PSPC1: variants seen among roughly 807,000 people sequenced by gnomAD.
PSPC1 encodes the protein paraspeckle protein 1.
Under a neutral mutation model 51.6 loss-of-function variants are expected in PSPC1, and 14 were observed. That is an observed-to-expected ratio of 0.27 (90% CI 0.18 to 0.42). The LOEUF is 0.42. Ranked by LOEUF, PSPC1 falls within the 10% of genes least tolerant of loss-of-function variation. The pLI is 1.00. For missense variants in PSPC1, 406 were observed against 701.1 expected, an observed-to-expected ratio of 0.58 and a Z score of 4.75; for synonymous variants, 193 against 231.9, an observed-to-expected ratio of 0.83 and a Z score of 1.53.
intron 2 of PSPC1, among the ~76,000 whole-genome samples, chr13:19,763,900 G>A (rs1417376567): frequency 2.0e-5 from 3 of 152,124 alleles, no homozygotes; most frequent in African/African-American, 7.2e-5. Flanking sequence ...CTACTCAGGA[G>A]ACTGAGGAAC....
At chr13:19,733,890 C>T (rs567434675) in intron 5 of PSPC1, among the ~76,000 whole-genome samples, 1 of 151,858 alleles carries the variant, frequency 6.6e-6, no homozygotes, top group South Asian at 2.1e-4. Context: ...TAAGGTGAGA[C>T]TGCGGGGAGC....
chr13:19,708,879 T>TA (rs1293330413), intron 7 of PSPC1, among the ~76,000 whole-genome samples: 3 of 152,074 alleles, frequency 2.0e-5, no homozygotes, highest in Non-Finnish European at 4.4e-5. Flanking sequence ...AGTGTTCAAT[T>TA]AGGACAGGCG....
chr13:19,727,404 A>G (rs1565998267), intron 6 of PSPC1, among the ~76,000 whole-genome samples: 1 of 151,820 alleles, frequency 6.6e-6, no homozygotes, highest in Non-Finnish European at 1.5e-5. Context: ...CAATAAATAA[A>G]TAAAAAAAAA....
At chr13:19,767,274 T>C (rs1888167919) in intron 2 of PSPC1, among the ~76,000 whole-genome samples, 1 of 152,148 alleles carries the variant, frequency 6.6e-6, no homozygotes, top group Non-Finnish European at 1.5e-5. Context: ...CAAGATTGTG[T>C]TGTAAAACAG....
chr13:19,706,681 A>T (rs996315552), intron 7 of PSPC1, among the ~76,000 whole-genome samples: 10 of 151,758 alleles, frequency 6.6e-5, no homozygotes, highest in African/African-American at 2.2e-4. Context: ...TTTCTTTGAA[A>T]AATTTTTTCC....
At chr13:19,698,891 A>C (rs911572450), downstream of PSPC1, among the ~76,000 whole-genome samples, 5 of 151,902 alleles carry the variant, frequency 3.3e-5, no homozygotes, top group African/African-American at 1.2e-4. Flanking sequence ...GACTTCTGTT[A>C]TTCAAAAGGA....
downstream of PSPC1, among the ~76,000 whole-genome samples, chr13:19,701,569 ACT>A (rs1467238768): frequency 6.6e-6 from 1 of 152,162 alleles, no homozygotes; most frequent in Non-Finnish European, 1.5e-5. Context: ...TTCCATCCAC[ACT>A]GTGTATCAAA....
chr13:19,706,099 G>C (rs1054121219), intron 7 of PSPC1, among the ~76,000 whole-genome samples: 78 of 152,124 alleles, frequency 5.1e-4, no homozygotes, highest in Admixed American at 3.8e-3. Context: ...TGCAAGCTTT[G>C]AGACATCACT....
intron 6 of PSPC1, among the ~76,000 whole-genome samples, chr13:19,719,358 T>C (rs1211547534): frequency 3.3e-5 from 5 of 152,156 alleles, no homozygotes; most frequent in Admixed American, 2.0e-4. Context: ...TAAATCAAGA[T>C]GAGTCTCACT....
At chr13:19,714,921 C>T (rs1345070078) in intron 6 of PSPC1, among the ~76,000 whole-genome samples, 3 of 152,196 alleles carry the variant, frequency 2.0e-5, no homozygotes, top group Non-Finnish European at 4.4e-5. Context: ...GTCAGGTCTT[C>T]TTTGATGCGT....
chr13:19,744,381 C>CT (rs1885737118), intron 4 of PSPC1, among the ~76,000 whole-genome samples: 1 of 152,094 alleles, frequency 6.6e-6, no homozygotes, highest in Non-Finnish European at 1.5e-5. Flanking sequence ...TTACCTAATA[C>CT]TTAAAAGAAC....
intron 2 of PSPC1, among the ~76,000 whole-genome samples, chr13:19,771,592 C>A (rs553987953): frequency 4.6e-5 from 7 of 151,730 alleles, no homozygotes; most frequent in African/African-American, 1.7e-4. Context: ...TGTGTCACCA[C>A]GCCCAATTAA....
At chr13:19,696,420 AAT>A (rs1250097237) in intron 6 of PSPC1, among the ~76,000 whole-genome samples, 2 of 152,068 alleles carry the variant, frequency 1.3e-5, no homozygotes, top group Non-Finnish European at 2.9e-5. Flanking sequence ...CAATACAGCA[AAT>A]AGATGCTCTC....
intron 4 of PSPC1, among the ~76,000 whole-genome samples, chr13:19,744,582 T>G (rs1257909333): frequency 6.6e-6 from 1 of 151,916 alleles, no homozygotes; most frequent in African/African-American, 2.4e-5. Context: ...TTCTTTTTTT[T>G]GAGACAGAGT....
chr13:19,697,171 A>C (rs1879359150), intron 6 of PSPC1, among the ~76,000 whole-genome samples: 1 of 152,200 alleles, frequency 6.6e-6, no homozygotes, highest in Non-Finnish European at 1.5e-5. Flanking sequence ...AGGGGTTCTT[A>C]CCAACAGTAG....
At chr13:19,710,868 C>A (rs1192015354) in intron 6 of PSPC1, among the ~76,000 whole-genome samples, 1 of 151,648 alleles carries the variant, frequency 6.6e-6, no homozygotes, top group African/African-American at 2.4e-5. Flanking sequence ...CAGAGATCCT[C>A]GCTCTGTTGC....
downstream of PSPC1, chr13:19,671,308 CATTT>C: frequency 6.3e-7 from 1 of 1,584,338 alleles, no homozygotes; most frequent in Non-Finnish European, 8.7e-7. Context: ...CCTTTCTTCA[CATTT>C]AGTGTCACTA....
intron 5 of PSPC1, among the ~76,000 whole-genome samples, chr13:19,731,372 G>C (rs1368563171): frequency 6.6e-6 from 1 of 151,930 alleles, no homozygotes; most frequent in Non-Finnish European, 1.5e-5. Context: ...AAGCATTCTT[G>C]AATCTTTCTA....
intron 1 of PSPC1, among the ~76,000 whole-genome samples, chr13:19,779,593 TG>T (rs1889659936): frequency 6.7e-5 from 1 of 14,880 alleles, no homozygotes; most frequent in Non-Finnish European, 1.5e-4. Flanking sequence ...CCGCCCCGTC[TG>T]GGAGGTGAGG....
Sources: allele counts gnomAD v4.1 joint callset (sites outside exome capture counted in the v4.1 genomes callset), GRCh38; gene constraint gnomAD v4.1.1; transcripts MANE v1.5; gene names NCBI Gene and HGNC (gene_info 2026-07-23, HGNC 2026-07-21).